The following HMGXB4 variants were observed in gnomAD, a reference collection of about 807,000 sequenced individuals.
The protein encoded by HMGXB4 is HMG domain-containing protein 4.
HMGXB4 carries 27 observed loss-of-function variants against 63.9 expected under a neutral mutation model. That is an observed-to-expected ratio of 0.42 (90% CI 0.31 to 0.58). HMGXB4 has a LOEUF of 0.58. HMGXB4 is among the 20% of genes least tolerant of loss of function. The pLI, the probability that HMGXB4 is intolerant of heterozygous loss-of-function variation, is 0.13. For synonymous variants in HMGXB4, 264 were observed against 265.3 expected (o/e 0.99, Z 0.05); for missense variants, 624 against 700.7 (o/e 0.89, Z 1.24).
chr22:35,262,608 G>T (rs953365601), intron 2 of HMGXB4, among the ~76,000 whole-genome samples, 187 bp downstream of exon 2: 1 of 152,096 alleles, frequency 6.6e-6, no homozygotes, highest in Non-Finnish European at 1.5e-5. Flanking sequence ...AACCAGGACA[G>T]GGGTTCCAAC....
the HMGXB4 span, among the ~76,000 whole-genome samples, chr22:35,246,531 C>G: frequency 6.6e-6 from 1 of 152,168 alleles, no homozygotes; most frequent in African/African-American, 2.4e-5. Context: ...CCTCGGCCTC[C>G]CAAAGTGCTG....
chr22:35,259,521 C>T (rs903332625), intron 1 of HMGXB4, among the ~76,000 whole-genome samples: 1 of 151,442 alleles, frequency 6.6e-6, no homozygotes, highest in Non-Finnish European at 1.5e-5. Context: ...GTATTCAAGA[C>T]CTGGAAGGAA....
chr22:35,294,842 C>T lies in HMGXB4; in HGVS notation c.*1191C>T, dbSNP rs1269317103. ...CCCTGTTTCCTTCCCTCTTTCCTTC[C>T]TTCCTCCTGGTCTGTTCCAAAAACT... On this transcript the variant is annotated 3_prime_UTR_variant, in exon 11 of 11. Coordinates refer to ENST00000216106, the MANE Select transcript of HMGXB4 (RefSeq NM_001003681.3). 1 of 152,028 alleles carries T rather than the reference C, an allele frequency of 6.6e-6. No individual in the cohort carries two copies. 9.4% of individuals were successfully genotyped at this position (152,028 alleles called of 1,614,324 possible).
intron 5 of HMGXB4, among the ~76,000 whole-genome samples, chr22:35,278,938 T>TCAGGAGG (rs1490661558): frequency 6.7e-6 from 1 of 150,350 alleles, no homozygotes; most frequent in African/African-American, 2.4e-5. Flanking sequence ...TCTTAACTAC[T>TCAGGAGG]CAGGAGGCTG....
chr22:35,279,784 A>G (rs893158926), intron 5 of HMGXB4, among the ~76,000 whole-genome samples: 1 of 149,790 alleles, frequency 6.7e-6, no homozygotes, highest in Non-Finnish European at 1.5e-5. Flanking sequence ...CCTTTGTCAA[A>G]GATTCGTTGA....
chr22:35,276,944 G>A (rs181654509), intron 5 of HMGXB4, among the ~76,000 whole-genome samples: 1 of 152,250 alleles, frequency 6.6e-6, no homozygotes, highest in East Asian at 1.9e-4. Context: ...TTGCCTTTTT[G>A]GGTGCCACAA....
At chr22:35,280,341 G>A (rs532873110) in intron 5 of HMGXB4, among the ~76,000 whole-genome samples, 2 of 152,298 alleles carry the variant, frequency 1.3e-5, no homozygotes, top group African/African-American at 4.8e-5. Flanking sequence ...GTAGGGAAAC[G>A]AAATGTCAGG....
the HMGXB4 span, among the ~76,000 whole-genome samples, chr22:35,251,231 C>T: frequency 7.2e-5 from 11 of 152,116 alleles, no homozygotes; most frequent in South Asian, 2.1e-4. Context: ...CCTGCCACCA[C>T]ATCCGGCTAA....
rs1925205515 is a variant in HMGXB4 at position 35,295,459 on chromosome 22, G to A, written c.*1808G>A. ...GTTTGACACAGGGTATCTAGGAGGG[G>A]CGGGGAAGACATGGATAGTATAGGA... On this transcript the variant is annotated 3_prime_UTR_variant, in exon 11 of 11. Coordinates refer to ENST00000216106, the MANE Select transcript of HMGXB4 (RefSeq NM_001003681.3). The A allele has an allele frequency of 1.3e-5, 2 of 152,560 alleles. No individual in the cohort carries two copies. The highest frequency in any genetic ancestry group is 2.9e-5 in the Non-Finnish European group (2 of 68,026). 9.5% of individuals were successfully genotyped at this position (152,560 alleles called of 1,614,324 possible).
rs539046858 is a variant in HMGXB4, at chr22:35,293,980, G to A, written c.*329G>A. 3.4e-5 allele frequency: 6 copies of A among 177,550 alleles called. No individual in the cohort carries two copies. The highest frequency in any genetic ancestry group is 1.8e-4 in the South Asian group (1 of 5,452). The allele number at this position is 177,550 out of a possible 1,614,324, so 11.0% of individuals were successfully genotyped here. A position where few individuals can be genotyped will look rare whatever the true frequency, so the allele number is the denominator to read the frequency against. On this transcript the variant is annotated 3_prime_UTR_variant, in exon 11 of 11. Coordinates refer to ENST00000216106, the MANE Select transcript of HMGXB4 (RefSeq NM_001003681.3). ...TGGGGGCTTGTTCTGGGTGCCAAGC[G>A]CATCTCTTTATGGACAGCTAAAATG...
chr22:35,288,004 C>G (rs1224651896), intron 8 of HMGXB4, among the ~76,000 whole-genome samples: 1 of 151,932 alleles, frequency 6.6e-6, no homozygotes, highest in Non-Finnish European at 1.5e-5. Flanking sequence ...CGTATGCATT[C>G]TCGCATTCTC....
intron 6 of HMGXB4, among the ~76,000 whole-genome samples, chr22:35,284,613 T>C (rs886398924): frequency 6.6e-6 from 1 of 152,256 alleles, no homozygotes. Context: ...GAATATCTTA[T>C]GTAATGTATT....
rs534142469 is a variant in HMGXB4, at chr22:35,284,334, T to C, written c.1297+291T>C. Among the ~76,000 whole-genome samples the C allele has an allele frequency of 2.0e-5, 3 of 152,370 alleles. No homozygotes were observed. In the East Asian group the frequency reaches 5.8e-4, roughly 29 times the overall value. ...TATTTCCAAGATTCTACAATTGGCC[T>C]TTTCCTTAAATTGCCCTTGGATGTA... On this transcript the variant is annotated intron_variant, in intron 6 of 10. Coordinates refer to ENST00000216106, the MANE Select transcript of HMGXB4 (RefSeq NM_001003681.3).
chr22:35,252,513 C>T (rs1158010215), upstream of HMGXB4, among the ~76,000 whole-genome samples: 2 of 152,356 alleles, frequency 1.3e-5, no homozygotes, highest in East Asian at 3.9e-4. Flanking sequence ...TAATCTCCTT[C>T]CATGTTGTCA....
At chr22:35,247,779 C>T in the HMGXB4 span, among the ~76,000 whole-genome samples, 1 of 151,894 alleles carries the variant, frequency 6.6e-6, no homozygotes. Context: ...TTATCCCAGG[C>T]AGCAGGGGAA....
At chr22:35,260,084 T>C (rs1324556581) in intron 1 of HMGXB4, among the ~76,000 whole-genome samples, 1 of 152,244 alleles carries the variant, frequency 6.6e-6, no homozygotes, top group Non-Finnish European at 1.5e-5. Flanking sequence ...CTCTGTTTTA[T>C]GTTGATTTTG....
At chr22:35,292,446 A>C (rs1365630269) in intron 9 of HMGXB4, among the ~76,000 whole-genome samples, 1 of 152,228 alleles carries the variant, frequency 6.6e-6, no homozygotes, top group Non-Finnish European at 1.5e-5. Context: ...CAGCAGCAAC[A>C]GTCTTTCTTA....
intron 5 of HMGXB4, among the ~76,000 whole-genome samples, chr22:35,282,416 C>T (rs1314898644): frequency 1.3e-5 from 2 of 152,092 alleles, no homozygotes; most frequent in Non-Finnish European, 2.9e-5. Context: ...CCCGCCTTGG[C>T]CTCCCAAAGT....
At chr22:35,242,532 T>G in the HMGXB4 span, among the ~76,000 whole-genome samples, 3 of 140,408 alleles carry the variant, frequency 2.1e-5, no homozygotes, top group East Asian at 4.0e-4. Context: ...AGTAATCTGC[T>G]CTCTCTCTCT....
Sources: allele counts gnomAD v4.1 joint callset (sites outside exome capture counted in the v4.1 genomes callset), GRCh38; gene constraint gnomAD v4.1.1; transcripts MANE v1.5; gene names NCBI Gene and HGNC (gene_info 2026-07-23, HGNC 2026-07-21).